The following GABRA1 variants were observed in gnomAD, a reference collection of about 807,000 sequenced individuals.
The protein encoded by GABRA1 is gamma-aminobutyric acid receptor subunit alpha-1.
A neutral mutation model predicts 48.9 loss-of-function variants in GABRA1; 9 were observed. The ratio of observed to expected loss-of-function variants is 0.18; its 90% CI spans 0.11 to 0.32. GABRA1 has a LOEUF of 0.32. GABRA1 is among the 10% of genes least tolerant of loss of function. The probability of loss-of-function intolerance (pLI) is 1.00; values close to 1 mark genes in which losing one functional copy is unlikely to be tolerated. For missense variants in GABRA1, 285 were observed against 553.8 expected (o/e 0.51, Z 4.87); for synonymous variants, 210 against 198.7 (o/e 1.06, Z -0.48).
intron 7 of GABRA1, among the ~76,000 whole-genome samples, chr5:161,887,411 G>A (rs904920740): frequency 1.3e-5 from 2 of 151,534 alleles, no homozygotes; most frequent in Non-Finnish European, 2.9e-5. Flanking sequence ...GGTCTCCAGA[G>A]AAATAATTAT....
At chr5:161,856,443 T>G (rs1166846089) in intron 3 of GABRA1, among the ~76,000 whole-genome samples, 1 of 151,376 alleles carries the variant, frequency 6.6e-6, no homozygotes, top group Non-Finnish European at 1.5e-5. Flanking sequence ...ATTCCAGGAC[T>G]TGAGAAAATT....
At chr5:161,860,479 G>A (rs764415546) in intron 3 of GABRA1, among the ~76,000 whole-genome samples, 1 of 147,458 alleles carries the variant, frequency 6.8e-6, no homozygotes, top group African/African-American at 2.5e-5. Flanking sequence ...ATCAGGCAGG[G>A]TAGGGTAATG....
intron 3 of GABRA1, among the ~76,000 whole-genome samples, chr5:161,857,487 G>A (rs1353523990): frequency 6.6e-6 from 1 of 151,542 alleles, no homozygotes; most frequent in Non-Finnish European, 1.5e-5. Flanking sequence ...ATAGGAATCA[G>A]TTTGCAAATA....
At chr5:161,854,583 C>G (rs1043785465) in intron 3 of GABRA1, among the ~76,000 whole-genome samples, 2 of 151,814 alleles carry the variant, frequency 1.3e-5, no homozygotes, top group East Asian at 3.9e-4. Context: ...TCTTCCAGCA[C>G]AATGACTGCA....
At position 161,895,886 on chromosome 5, in the gene GABRA1, C is replaced by T. The variant is rs1272991948; in HGVS notation, c.1059+18C>T. 1 of 1,577,082 alleles carries T rather than the reference C, an allele frequency of 6.3e-7. No individual in the cohort carries two copies. Among genetic ancestry groups the T allele is most frequent in the Non-Finnish European group, 8.7e-7 (1 of 1,146,276 alleles). On this transcript the variant is annotated intron_variant, in intron 9 of 9. Transcript: ENST00000393943. ...CAGAAAAGGTAAATGCTTTAATGGT[C>T]ACTGTAGTACATCAATATTATGTCT...
chr5:161,880,373 G>A (rs773564792), intron 6 of GABRA1, among the ~76,000 whole-genome samples: 2 of 152,092 alleles, frequency 1.3e-5, no homozygotes, highest in Non-Finnish European at 2.9e-5. Flanking sequence ...AATTGTAAAC[G>A]ATAGGGTCCT....
At chr5:161,889,677 A>G (rs561081884) in intron 7 of GABRA1, among the ~76,000 whole-genome samples, 5 of 152,116 alleles carry the variant, frequency 3.3e-5, no homozygotes, top group Admixed American at 2.6e-4. Flanking sequence ...ACAGATTAGG[A>G]AGTTTGCTTG....
At chr5:161,848,742 AGG>A (rs35664436) in intron 1 of GABRA1, 1 of 272,156 alleles carries the variant, frequency 3.7e-6, no homozygotes, top group South Asian at 3.0e-5. Context: ...TGTATTCCGC[AGG>A]GTGGGTGGTG....
intron 4 of GABRA1, among the ~76,000 whole-genome samples, chr5:161,871,740 C>A (rs543615396): frequency 1.3e-4 from 20 of 152,286 alleles, no homozygotes; most frequent in Non-Finnish European, 2.5e-4. Context: ...CTTCCAGACA[C>A]AAAATCCTAA....
intron 3 of GABRA1, among the ~76,000 whole-genome samples, chr5:161,856,114 T>C (rs967438190): frequency 6.6e-6 from 1 of 151,308 alleles, no homozygotes; most frequent in Non-Finnish European, 1.5e-5. Context: ...AAATAAATTT[T>C]AGGTGAAATT....
chr5:161,892,670 AAAACAAACAAAC>A (rs3078109), intron 8 of GABRA1, among the ~76,000 whole-genome samples: 8 of 150,750 alleles, frequency 5.3e-5, no homozygotes, highest in East Asian at 3.9e-4. Context: ...CTAGGAAATT[AAAACAAACAAAC>A]AAACAAACAA....
rs1246129883 is a variant in GABRA1 at position 161,897,591 on chromosome 5, A to G, written c.*169A>G. 1.5e-6 allele frequency: 1 copy of G among 669,050 alleles called. No individual in the cohort carries two copies. Among genetic ancestry groups the G allele is most frequent in the East Asian group, 2.7e-5 (1 of 36,714 alleles). The allele number at this position is 669,050 out of a possible 1,614,324, so 41.4% of individuals were successfully genotyped here. ...AGACCCCTGTCTGGCAGTCTGGAGC[A>G]AAGCAGACTATGCAGCTTGGAGACA... On this transcript the variant is annotated 3_prime_UTR_variant, in exon 10 of 10. Transcript: ENST00000393943.
At chr5:161,850,294 G>A (rs1298026625) in intron 1 of GABRA1, 2 of 241,456 alleles carry the variant, frequency 8.3e-6, no homozygotes, top group African/African-American at 2.2e-5. Flanking sequence ...TGAAATCAAG[G>A]TACCTGCAGA....
chr5:161,887,372 G>C (rs76743473), intron 7 of GABRA1, among the ~76,000 whole-genome samples: 1 of 152,056 alleles, frequency 6.6e-6, no homozygotes, highest in African/African-American at 2.4e-5. Flanking sequence ...AAAGAGCCTA[G>C]GGGCTTCCAT....
rs1033867314 is a variant in GABRA1, at chr5:161,899,598, A to G, written c.*2176A>G. On this transcript the variant is annotated 3_prime_UTR_variant, in exon 10 of 10. Coordinates refer to ENST00000393943, the MANE Select transcript of GABRA1 (RefSeq NM_001127644.2). ...TTCTATCATTTCTCAGTTTGTTAGTATATGTGGATAGTATTCTACTGTATA... is the reference window on the plus strand; with the variant it reads ...TTCTATCATTTCTCAGTTTGTTAGTGTATGTGGATAGTATTCTACTGTATA... 3 of 152,156 alleles carry G rather than the reference A, an allele frequency of 2.0e-5. No homozygotes were observed. The highest frequency in any genetic ancestry group is 4.1e-4 in the South Asian group (2 of 4,830). 9.4% of individuals were successfully genotyped at this position (152,156 alleles called of 1,614,324 possible). A position where few individuals can be genotyped will look rare whatever the true frequency, so the allele number is the denominator to read the frequency against.
intron 6 of GABRA1, among the ~76,000 whole-genome samples, chr5:161,879,441 TG>T (rs1199230324): frequency 6.6e-6 from 1 of 152,162 alleles, no homozygotes; most frequent in Non-Finnish European, 1.5e-5. Context: ...AAAACTTTTT[TG>T]GGGGCATTAT....
At chr5:161,867,946 G>A (rs1753943991) in intron 4 of GABRA1, among the ~76,000 whole-genome samples, 1 of 151,372 alleles carries the variant, frequency 6.6e-6, no homozygotes, top group African/African-American at 2.4e-5. Context: ...ACCTGTAAAG[G>A]CACATGTGTT....
chr5:161,882,529 A>G (rs752838820), intron 6 of GABRA1, 29 bp from the exon 7 acceptor site: 18 of 1,603,894 alleles, frequency 1.1e-5, no homozygotes, highest in Non-Finnish European at 1.5e-5. Flanking sequence ...GGTAAAATAT[A>G]TGGATCATTT....
intron 4 of GABRA1, among the ~76,000 whole-genome samples, chr5:161,872,601 G>A (rs80160310): frequency 0.061 from 9,225 of 151,784 alleles, 339 homozygotes; most frequent in South Asian, 0.12. Flanking sequence ...TGTTTATTTC[G>A]CCAAAAAAAG....
Sources: gnomAD v4.1 joint callset for allele counts (sites outside exome capture counted in the v4.1 genomes callset) on GRCh38, gnomAD v4.1.1 for gene constraint, MANE v1.5 for transcripts, NCBI Gene and HGNC (gene_info 2026-07-23, HGNC 2026-07-21) for gene names.